The following POLN variants were observed in gnomAD, a reference collection of about 807,000 sequenced individuals.
POLN encodes DNA polymerase N.
A neutral mutation model predicts 113.5 loss-of-function variants in POLN; 108 were observed. The observed-to-expected ratio is 0.95, with a 90% CI of 0.81 to 1.12. The LOEUF is 1.12. Among genes scored for constraint, POLN ranks in the 50% most tolerant of loss-of-function variants. The probability of loss-of-function intolerance (pLI) is 0.00; values close to 1 mark genes in which losing one functional copy is unlikely to be tolerated. For synonymous variants in POLN, 386 were observed against 391.5 expected, an observed-to-expected ratio of 0.99 and a Z score of 0.17; for missense variants, 1,097 against 1,077.1, an observed-to-expected ratio of 1.02 and a Z score of -0.26.
intron 23 of POLN, chr4:2,079,092 G>T: frequency 4.6e-6 from 1 of 216,796 alleles, no homozygotes; most frequent in Non-Finnish European, 7.9e-6. Context: ...ACCATGGCCA[G>T]CTTTTATTTT....
intron 7 of POLN, among the ~76,000 whole-genome samples, chr4:2,192,251 A>G (rs1480186741): frequency 2.0e-5 from 3 of 152,130 alleles, no homozygotes; most frequent in African/African-American, 7.2e-5. Flanking sequence ...TTTCAAATAT[A>G]TAATTTGAAA....
Position 2,140,234 on chromosome 4 carries a change from C to T in POLN, c.1732-8944G>A, listed in dbSNP as rs529603116. On this transcript the variant is annotated intron_variant, in intron 16 of 25. Coordinates refer to ENST00000511885, the MANE Select transcript of POLN (RefSeq NM_181808.4). ...CTGGGATTACAGGCGTGCGCCACCA[C>T]ACCTGGCTAATTTTTCTCTTTTTAG... 2.2e-3 allele frequency among the ~76,000 whole-genome samples: 331 copies of T among 152,198 alleles called. 2 individuals are homozygous for T. Among genetic ancestry groups the T allele is most frequent in the African/African-American group, 7.8e-3 (326 of 41,548 alleles).
rs541217535 is a variant in POLN at position 2,237,269 on chromosome 4, A to T, written c.-13+4251T>A. Among the ~76,000 whole-genome samples, 305 of 137,428 alleles carry T rather than the reference A, an allele frequency of 2.2e-3. 1 individual carries two copies. The highest frequency in any genetic ancestry group is 9.6e-3 in the African/African-American group (290 of 30,096). 90.2% of individuals were successfully genotyped at this position (137,428 alleles called of 152,430 possible). A position where few individuals can be genotyped will look rare whatever the true frequency, so the allele number is the denominator to read the frequency against. ...AACATATTGAAGCCCCATCTCTACA[A>T]ATTTTTTTTTTTTTTAATTAGCCAG... On this transcript the variant is annotated intron_variant, in intron 2 of 25. Coordinates refer to ENST00000511885, the MANE Select transcript of POLN (RefSeq NM_181808.4).
intron 14 of POLN, 22 bp from the exon 15 acceptor site, chr4:2,157,933 A>C: frequency 1.3e-6 from 2 of 1,579,830 alleles, no homozygotes; most frequent in Non-Finnish European, 1.7e-6. Flanking sequence ...AGACAAGAAT[A>C]ATCATTTTCT....
chr4:2,195,184 T>C (rs918189815), intron 6 of POLN, among the ~76,000 whole-genome samples: 1 of 152,156 alleles, frequency 6.6e-6, no homozygotes, highest in Non-Finnish European at 1.5e-5. Flanking sequence ...GATATAATCA[T>C]AGGATTGGGA....
chr4:2,229,733 G>A (rs1734512143), intron 2 of POLN: 1 of 152,366 alleles, frequency 6.6e-6, no homozygotes, highest in Admixed American at 6.6e-5. Flanking sequence ...TGAGGCAGGA[G>A]AATCACGTGA....
Position 2,129,223 on chromosome 4 carries a change from C to G in POLN, c.1823G>C (p.Arg608Thr), listed in dbSNP as rs1400781079. Residue 608 changes from arginine to threonine, a missense_variant, in exon 18 of 26, where the codon AGG becomes ACG. By Grantham distance (71) the Arg-to-Thr change is moderately conservative. Transcript: ENST00000511885. ...GCCTTTGGATGAAACAAACATGGCC[C>G]TCGGGGAGATCGTGAGAATCTTGTC... ...KEDKILTISP[R>T]AMFVSSKGHT... The G allele has an allele frequency of 6.2e-7, 1 of 1,600,320 alleles. No individual in the cohort carries two copies. The highest frequency in any genetic ancestry group is 8.6e-7 in the Non-Finnish European group (1 of 1,167,758).
intron 14 of POLN, 149 bp downstream of exon 14, chr4:2,159,006 C>T (rs548389190): frequency 3.5e-5 from 24 of 676,848 alleles, no homozygotes; most frequent in East Asian, 5.7e-5. Context: ...GTAAACAGTG[C>T]CAGTACAAGG....
At chr4:2,114,818 A>G (rs781316904) in intron 19 of POLN, among the ~76,000 whole-genome samples, 10 of 151,990 alleles carry the variant, frequency 6.6e-5, no homozygotes, top group Admixed American at 3.3e-4. Context: ...ATACCTTCCA[A>G]TATTTCTTTT....
In POLN at chr4:2,187,738, T is replaced by A. The variant is rs188375875; in HGVS notation, c.1021+5466A>T. On this transcript the variant is annotated intron_variant, in intron 7 of 25. Transcript: ENST00000511885. ...CAGCAAGAGAAAAGAACAAATAACA[T>A]ATAAAGGAGCTCCAATTCATCTGGC... 8.2e-3 allele frequency among the ~76,000 whole-genome samples: 1,247 copies of A among 151,556 alleles called. 23 individuals are homozygous for A. Among genetic ancestry groups the A allele is most frequent in the African/African-American group, 0.029 (1,193 of 41,200 alleles).
intron 19 of POLN, among the ~76,000 whole-genome samples, chr4:2,108,577 G>A (rs1052215914): frequency 7.2e-5 from 11 of 152,256 alleles, no homozygotes; most frequent in Middle Eastern, 3.4e-3. Context: ...TCTAACTCTC[G>A]ATTACAGGTC....
intron 19 of POLN, among the ~76,000 whole-genome samples, chr4:2,110,751 G>T (rs1428606420): frequency 2.6e-5 from 4 of 152,138 alleles, no homozygotes; most frequent in Non-Finnish European, 5.9e-5. Flanking sequence ...ATAATTAATA[G>T]CTTACCAACC....
intron 19 of POLN, among the ~76,000 whole-genome samples, chr4:2,120,808 T>C (rs974939342): frequency 3.3e-5 from 5 of 152,238 alleles, no homozygotes; most frequent in Admixed American, 2.6e-4. Flanking sequence ...TTTGGAGTGA[T>C]TATTAATGAC....
chr4:2,111,025 CA>C (rs1329466456), intron 19 of POLN, among the ~76,000 whole-genome samples: 3 of 152,170 alleles, frequency 2.0e-5, no homozygotes, highest in Non-Finnish European at 2.9e-5. Context: ...AGCAACACAT[CA>C]AAAAGCTTAT....
rs191510604 is a variant in POLN at position 2,219,914 on chromosome 4, G to A, written c.134-6788C>T. On this transcript the variant is annotated intron_variant, in intron 3 of 25. Coordinates refer to ENST00000511885, the MANE Select transcript of POLN (RefSeq NM_181808.4). ...AATCCAGTGTCTCTGAAGTGATCCCGCATAAATAAACTCTCCCTTATCCAA... is the reference window on the plus strand; with the variant it reads ...AATCCAGTGTCTCTGAAGTGATCCCACATAAATAAACTCTCCCTTATCCAA... Among the ~76,000 whole-genome samples, 5 of 152,152 alleles carry A rather than the reference G, an allele frequency of 3.3e-5. No homozygotes were observed. In the East Asian group the frequency reaches 7.7e-4, roughly 24 times the overall value.
intron 21 of POLN, chr4:2,082,973 G>A (rs1054313246): frequency 1.3e-5 from 2 of 152,146 alleles, no homozygotes; most frequent in Non-Finnish European, 2.9e-5. Flanking sequence ...GGCTAGTCTA[G>A]ACCTGCCTCT....
chr4:2,164,307 G>T (rs1732672108), intron 13 of POLN, among the ~76,000 whole-genome samples: 4 of 151,988 alleles, frequency 2.6e-5, no homozygotes, highest in African/African-American at 7.3e-5. Context: ...TTGGAGACCA[G>T]CCTGACCAAC....
chr4:2,192,574 G>A (rs980191267), intron 7 of POLN, among the ~76,000 whole-genome samples: 11 of 151,840 alleles, frequency 7.2e-5, no homozygotes, highest in African/African-American at 1.9e-4. Flanking sequence ...TCCTGACCTC[G>A]TGATCCGCCT....
chr4:2,072,807 C>T (rs769932854), intron 25 of POLN, among the ~76,000 whole-genome samples, 161 bp downstream of exon 25: 7 of 152,164 alleles, frequency 4.6e-5, no homozygotes, highest in South Asian at 2.1e-4. Flanking sequence ...TGGGGCTTCC[C>T]GGGCTTCAGG....
Sources: allele counts gnomAD v4.1 joint callset (sites outside exome capture counted in the v4.1 genomes callset), GRCh38; gene constraint gnomAD v4.1.1; transcripts MANE v1.5; gene names NCBI Gene and HGNC (gene_info 2026-07-23, HGNC 2026-07-21).